The following CD302 variants were observed in gnomAD, a reference collection of about 807,000 sequenced individuals.
CD302 encodes CD302 molecule, also known as CD302 antigen.
Under a neutral mutation model 26.5 loss-of-function variants are expected in CD302, and 23 were observed. The ratio of observed to expected loss-of-function variants is 0.87; its 90% confidence interval spans 0.62 to 1.23. The LOEUF is 1.23. Among genes scored for constraint, CD302 ranks in the 50% most tolerant of loss-of-function variants. The pLI is 0.00. For missense variants in CD302, 290 were observed against 275.5 expected (o/e 1.05, Z -0.37); for synonymous variants, 90 against 99.4 (o/e 0.91, Z 0.56).
intron 4 of CD302, among the ~76,000 whole-genome samples, chr2:159,779,382 A>C (rs1201138968): frequency 6.6e-6 from 1 of 152,130 alleles, no homozygotes; most frequent in African/African-American, 2.4e-5. Context: ...TAACACGAGA[A>C]TTCTGGAATT....
intron 1 of CD302, among the ~76,000 whole-genome samples, chr2:159,797,312 T>C (rs920809183): frequency 6.6e-6 from 1 of 152,162 alleles, no homozygotes; most frequent in Admixed American, 6.5e-5. Flanking sequence ...TTTATTTTGC[T>C]CTTTAATTCC....
In CD302 at chr2:159,771,981, CA is replaced by C. The variant is rs1275065093; in HGVS notation, c.568del (p.Trp190GlyfsTer31). 1 of 1,613,778 alleles carries C rather than the reference CA, an allele frequency of 6.2e-7. No homozygotes were observed. The highest frequency in any genetic ancestry group is 1.3e-5 in the African/African-American group (1 of 74,858). On this transcript the variant is annotated frameshift_variant, in exon 6 of 6. Transcript: ENST00000259053. LOFTEE classifies it high-confidence loss of function. Reference protein sequence around the residue: ...VILTVLGAIIWFLYKKHSDSR... With the variant: ...VILTVLGAIIXFLYKKHSDSR... ...ATCAGAATGTTTTTTGTACAGGAACCAAATGATTGCTCCCAAAACTGTCAAA... is the reference window on the plus strand; with the variant it reads ...ATCAGAATGTTTTTTGTACAGGAACCAATGATTGCTCCCAAAACTGTCAAA...
In CD302 at chr2:159,769,223, G is replaced by T. The variant is rs1244420492; in HGVS notation, c.*2628C>A. 1 of 152,180 alleles carries T rather than the reference G, an allele frequency of 6.6e-6. No individual in the cohort carries two copies. The highest frequency in any genetic ancestry group is 1.5e-5 in the Non-Finnish European group (1 of 68,032). 9.4% of individuals were successfully genotyped at this position (152,180 alleles called of 1,614,324 possible). A position where few individuals can be genotyped will look rare whatever the true frequency, so the allele number is the denominator to read the frequency against. ...AGAATTATATTGTTATTACTAGCTA[G>T]AACCAAGATGTTGAAGAAAGCAGTT... is the stretch of plus-strand genomic sequence containing the variant. On this transcript the variant is annotated 3_prime_UTR_variant, in exon 6 of 6. Coordinates refer to ENST00000259053, the MANE Select transcript of CD302 (RefSeq NM_014880.5).
rs1708107195 is a variant in CD302 at position 159,770,503 on chromosome 2, G to GAT, written c.*1346_*1347dup. 1.3e-5 allele frequency: 2 copies of GAT among 152,168 alleles called. No homozygotes were observed. The highest frequency in any genetic ancestry group is 2.9e-5 in the Non-Finnish European group (2 of 68,022). The allele number at this position is 152,168 out of a possible 1,614,324, so 9.4% of individuals were successfully genotyped here. On this transcript the variant is annotated 3_prime_UTR_variant, in exon 6 of 6. Transcript: ENST00000259053. Reference sequence around the variant, plus strand: ...TTGTTGCCATTAGTCAAGCTAGTGAGATAGTATATCTATCTATCTCCCCAG... The same window carrying GAT: ...TTGTTGCCATTAGTCAAGCTAGTGAGATATAGTATATCTATCTATCTCCCCAG...
rs1708573004 is a variant in CD302, at chr2:159,783,362, G to A, written c.175C>T (p.His59Tyr). The change falls in exon 2 of 6, where the codon CAT (histidine) becomes TAT (tyrosine). Residue 59 changes from histidine (H) to tyrosine (Y), a missense_variant. Coordinates refer to ENST00000259053, the MANE Select transcript of CD302 (RefSeq NM_014880.5). Reference protein sequence around the residue: ...IEDVRNQCTDHGADMISIHNE... With the variant: ...IEDVRNQCTDYGADMISIHNE... ...CAGAAAAGAATAAGCCTTTTACCAT[G>A]GTCAGTACACTGATTTCTGACATCC... The A allele has an allele frequency of 1.3e-6, 2 of 1,591,230 alleles. No homozygotes were observed. Among genetic ancestry groups the A allele is most frequent in the African/African-American group, 1.4e-5 (1 of 73,786 alleles).
At chr2:159,788,030 C>A (rs1276911773) in intron 1 of CD302, among the ~76,000 whole-genome samples, 1 of 151,998 alleles carries the variant, frequency 6.6e-6, no homozygotes, top group Non-Finnish European at 1.5e-5. Context: ...TCACTTGAAC[C>A]CAGGAGGCGG....
At chr2:159,794,952 C>T (rs752331434) in intron 1 of CD302, among the ~76,000 whole-genome samples, 12 of 151,502 alleles carry the variant, frequency 7.9e-5, no homozygotes, top group Non-Finnish European at 1.3e-4. Context: ...AGGCCGGGCA[C>T]GGTGGCTCAC....
chr2:159,798,079 G>C (rs758418643), intron 1 of CD302, 53 bp downstream of exon 1: 1 of 1,466,132 alleles, frequency 6.8e-7, no homozygotes, highest in African/African-American at 1.5e-5. Context: ...GCGTTGGGAA[G>C]GGGGCGAAGG....
chr2:159,781,843 T>A (rs79711740), intron 2 of CD302, among the ~76,000 whole-genome samples: 2,148 of 151,934 alleles, frequency 0.014, 20 homozygotes, highest in Non-Finnish European at 0.022. Flanking sequence ...GGCGCTTTAA[T>A]AAGATTAATA....
chr2:159,770,963 C>G lies in CD302; in HGVS notation c.*888G>C, dbSNP rs1574480735. On this transcript the variant is annotated 3_prime_UTR_variant, in exon 6 of 6. Coordinates refer to ENST00000259053, the MANE Select transcript of CD302 (RefSeq NM_014880.5). ...TTCAGCTTTTTCATTTTTTTACTCC[C>G]CAAATGATTTTCACCTTTTTCTTAA... 6.6e-6 allele frequency: 1 copy of G among 151,996 alleles called. No homozygotes were observed. 9.4% of individuals were successfully genotyped at this position (151,996 alleles called of 1,614,324 possible). A position where few individuals can be genotyped will look rare whatever the true frequency, so the allele number is the denominator to read the frequency against.
chr2:159,789,830 C>T (rs149729718), intron 1 of CD302, among the ~76,000 whole-genome samples: 112 of 152,308 alleles, frequency 7.4e-4, no homozygotes, highest in African/African-American at 2.5e-3. Flanking sequence ...TTGCCAAAAA[C>T]TCTGCTCTGC....
chr2:159,772,112 A>G (rs1401182892), intron 5 of CD302, 59 bp from the exon 6 acceptor site: 1 of 1,555,088 alleles, frequency 6.4e-7, no homozygotes, highest in Non-Finnish European at 8.8e-7. Flanking sequence ...TTGCAAGTAT[A>G]TTTTGATGAG....
In CD302 at chr2:159,769,620, T is replaced by G. The variant is rs1708069136; in HGVS notation, c.*2231A>C. ...AAGATCGAGCCACTGCACTGTAGCC[T>G]GGGCAGCACAGTGAGACTCCATCAT... On this transcript the variant is annotated 3_prime_UTR_variant, in exon 6 of 6. Coordinates refer to ENST00000259053, the MANE Select transcript of CD302 (RefSeq NM_014880.5). 1 of 146,986 alleles carries G rather than the reference T, an allele frequency of 6.8e-6. No homozygotes were observed. The highest frequency in any genetic ancestry group is 2.6e-5 in the African/African-American group (1 of 38,512). 9.1% of individuals were successfully genotyped at this position (146,986 alleles called of 1,614,324 possible).
At chr2:159,773,450 A>T (rs1314559500) in intron 5 of CD302, among the ~76,000 whole-genome samples, 1 of 152,236 alleles carries the variant, frequency 6.6e-6, no homozygotes, top group Non-Finnish European at 1.5e-5. Flanking sequence ...TCTACTTTAA[A>T]TAGGAATTAC....
At chr2:159,775,183 CTTTTG>C (rs1352101084) in intron 5 of CD302, among the ~76,000 whole-genome samples, 3 of 152,164 alleles carry the variant, frequency 2.0e-5, no homozygotes, top group African/African-American at 7.2e-5. Context: ...AGAGCAGAGG[CTTTTG>C]TTTTGTTCAT....
chr2:159,776,609 C>T (rs140198300), intron 5 of CD302, among the ~76,000 whole-genome samples: 1 of 152,064 alleles, frequency 6.6e-6, no homozygotes, highest in East Asian at 1.9e-4. Context: ...CCTGTATACA[C>T]ACAAACCCAA....
At chr2:159,774,551 G>A (rs1708254112) in intron 5 of CD302, among the ~76,000 whole-genome samples, 1 of 152,176 alleles carries the variant, frequency 6.6e-6, no homozygotes, top group Admixed American at 6.5e-5. Context: ...GGGTTTAAAT[G>A]ACTTGCCCAA....
chr2:159,793,203 G>A (rs1330143424), intron 1 of CD302, among the ~76,000 whole-genome samples: 1 of 152,108 alleles, frequency 6.6e-6, no homozygotes, highest in Non-Finnish European at 1.5e-5. Flanking sequence ...GACTCTTAGG[G>A]ATTTTATAAT....
chr2:159,779,484 G>A (rs1348033382), intron 4 of CD302, among the ~76,000 whole-genome samples: 2 of 151,960 alleles, frequency 1.3e-5, no homozygotes, highest in Non-Finnish European at 2.9e-5. Context: ...TTGACCTCTT[G>A]GAAACACTAA....
Sources: allele counts gnomAD v4.1 joint callset (sites outside exome capture counted in the v4.1 genomes callset), GRCh38; gene constraint gnomAD v4.1.1; transcripts MANE v1.5; gene names NCBI Gene and HGNC (gene_info 2026-07-23, HGNC 2026-07-21).